The following DNAH17 variants were observed in gnomAD, a reference collection of about 807,000 sequenced individuals.
DNAH17 encodes axonemal beta dynein heavy chain 17.
Under a neutral mutation model 485.6 loss-of-function variants are expected in DNAH17, and 376 were observed. The observed-to-expected ratio is 0.77, with a 90% CI of 0.71 to 0.84. The LOEUF (loss-of-function observed/expected upper bound fraction) is 0.84, where lower values mean the gene tolerates loss of function less well. Ranked by LOEUF, DNAH17 falls within the 40% of genes least tolerant of loss-of-function variation. The pLI, the probability that DNAH17 is intolerant of heterozygous loss-of-function variation, is 0.00. For synonymous variants in DNAH17, 3,031 were observed against 2,405.9 expected, an observed-to-expected ratio of 1.26 and a Z score of -7.60; for missense variants, 6,370 against 5,839.3, an observed-to-expected ratio of 1.09 and a Z score of -2.96.
chr17:78,567,266 C>T, intron 9 of DNAH17, 100 bp from the exon 10 acceptor site: 1 of 1,299,590 alleles, frequency 7.7e-7, no homozygotes, highest in Non-Finnish European at 1.1e-6. Flanking sequence ...AGCTGGGGAG[C>T]AAAATGTCCC....
intron 14 of DNAH17, among the ~76,000 whole-genome samples, chr17:78,553,294 T>G (rs1318956934): frequency 9.3e-5 from 4 of 42,808 alleles, no homozygotes; most frequent in Non-Finnish European, 2.1e-4. Context: ...TTTTTTTTTT[T>G]TTTTTTTTTT....
At chr17:78,457,460 CATTGATA>C (rs2087860357) in intron 62 of DNAH17, among the ~76,000 whole-genome samples, 1 of 152,082 alleles carries the variant, frequency 6.6e-6, no homozygotes, top group Non-Finnish European at 1.5e-5. Flanking sequence ...GGAAATACCT[CATTGATA>C]ATTTTTATAT....
chr17:78,441,047 T>C lies in DNAH17; in HGVS notation c.11677+4A>G, dbSNP rs1467608737. 1.3e-6 allele frequency: 2 copies of C among 1,576,384 alleles called. No homozygotes were observed. Among genetic ancestry groups the C allele is most frequent in the Non-Finnish European group, 1.7e-6 (2 of 1,160,282 alleles). On this transcript the variant is annotated splice_donor_region_variant and intron_variant, in intron 72 of 80. Coordinates refer to ENST00000389840, the MANE Select transcript of DNAH17 (RefSeq NM_173628.4). ...TGAGAACATCACTTGCCTGCTACAC[T>C]TACCCAGGGCTTCCACGTCTTTCAA...
intron 14 of DNAH17, among the ~76,000 whole-genome samples, chr17:78,557,029 C>A (rs559912221): frequency 4.6e-5 from 7 of 152,178 alleles, no homozygotes; most frequent in Non-Finnish European, 1.0e-4. Context: ...GACCGCCCCC[C>A]ACCTCCAACA....
At chr17:78,572,271 G>A (rs1038413026) in intron 3 of DNAH17, among the ~76,000 whole-genome samples, 3 of 152,210 alleles carry the variant, frequency 2.0e-5, no homozygotes, top group African/African-American at 7.2e-5. Flanking sequence ...GGGCCTCTGG[G>A]GGCACCGCAG....
intron 60 of DNAH17, 32 bp downstream of exon 60, chr17:78,459,752 A>G (rs759890426): frequency 1.2e-6 from 2 of 1,611,146 alleles, no homozygotes; most frequent in Non-Finnish European, 1.7e-6. Flanking sequence ...ATCGGAGGGA[A>G]GCCCCGGCTA....
intron 68 of DNAH17, 58 bp downstream of exon 68, chr17:78,450,196 G>A (rs2087485466): frequency 1.9e-6 from 3 of 1,600,188 alleles, no homozygotes; most frequent in Non-Finnish European, 2.6e-6. Context: ...GCCTGGCTGT[G>A]GAGCCCAGAT....
In DNAH17 at chr17:78,572,905, A is replaced by T; in HGVS notation, c.346-11T>A. On this transcript the variant is annotated splice_polypyrimidine_tract_variant and intron_variant, in intron 2 of 80. Coordinates refer to ENST00000389840, the MANE Select transcript of DNAH17 (RefSeq NM_173628.4). ...CAGAGAAGAGAGGACCTAAAAGGAAACACTTCTGTGGTTCCGCCCCCTGTG... is the reference window on the plus strand; with the variant it reads ...CAGAGAAGAGAGGACCTAAAAGGAATCACTTCTGTGGTTCCGCCCCCTGTG... 2 of 1,611,368 alleles carry T rather than the reference A, an allele frequency of 1.2e-6. No individual in the cohort carries two copies. The highest frequency in any genetic ancestry group is 1.7e-6 in the Non-Finnish European group (2 of 1,178,550).
At chr17:78,429,041 C>A (rs915085963) in intron 76 of DNAH17, 80 bp downstream of exon 76, 3 of 1,475,552 alleles carry the variant, frequency 2.0e-6, no homozygotes, top group Non-Finnish European at 2.8e-6. Flanking sequence ...ATTATTGACA[C>A]TCCATTTGTG....
chr17:78,502,649 G>T lies in DNAH17; in HGVS notation c.5132C>A (p.Ala1711Glu). Residue 1711 changes from alanine to glutamate, a missense_variant, in exon 33 of 81, where the codon GCA becomes GAA. Transcript: ENST00000389840. ...ATAGCCTTCCTCCAGCCTGGCAAAT[G>T]CCAGGCCCACCTCGGTCGTCCACCA... ...QIWWTTEVGL[A>E]FARLEEGYEN... is the part of the protein sequence containing the mutation. 1 of 1,612,182 alleles carries T rather than the reference G, an allele frequency of 6.2e-7. No individual in the cohort carries two copies.
rs1331485565 is a variant in DNAH17, at chr17:78,464,541, G to A, written c.8941-1464C>T. On this transcript the variant is annotated intron_variant, in intron 56 of 80. Transcript: ENST00000389840. ...CCCCCAAAGTGCTGGGATTATAGGC[G>A]TGAGCCACTGCCCCCAGCCCTCGGC... Among the ~76,000 whole-genome samples, 4 of 152,212 alleles carry A rather than the reference G, an allele frequency of 2.6e-5. No homozygotes were observed. The East Asian group carries it at 5.8e-4, about 22-fold the overall frequency.
intron 64 of DNAH17, 109 bp from the exon 65 acceptor site, chr17:78,453,574 G>A (rs1390898249): frequency 7.0e-7 from 1 of 1,432,772 alleles, no homozygotes; most frequent in Non-Finnish European, 9.4e-7. Flanking sequence ...CGCCAAGCGA[G>A]GGGTGACCTA....
chr17:78,454,266 G>A (rs2087689020), intron 64 of DNAH17, among the ~76,000 whole-genome samples: 1 of 152,210 alleles, frequency 6.6e-6, no homozygotes. Context: ...CCCTGCAGGA[G>A]CAGCAGGTGA....
At chr17:78,495,848 CCACT>C (rs1304399530) in intron 38 of DNAH17, 23 bp downstream of exon 38, 1 of 1,602,370 alleles carries the variant, frequency 6.2e-7, no homozygotes, top group Non-Finnish European at 8.5e-7. Context: ...CTCACTGCAG[CCACT>C]CACTTTCACC....
Position 78,502,994 on chromosome 17 carries a change from A to C in DNAH17, c.4974T>G (p.Asn1658Lys). 3 of 1,613,672 alleles carry C rather than the reference A, an allele frequency of 1.9e-6. No homozygotes were observed. Among genetic ancestry groups the C allele is most frequent in the Non-Finnish European group, 2.5e-6 (3 of 1,179,806 alleles). The change falls in exon 32 of 81, where the codon AAT becomes AAG. Residue 1658 changes from asparagine (N) to lysine (K), a missense_variant. Physicochemically the swap from Asn to Lys is moderately conservative, Grantham distance 94. Transcript: ENST00000389840. ...TAGAGCACATTCGGTCCAGCACTCG[A>C]TTCAGCCACACTTCCACCTGGGGAC... ...DLSGQVEVWL[N>K]RVLDRMCSTL...
intron 31 of DNAH17, among the ~76,000 whole-genome samples, chr17:78,503,736 C>A (rs991830860): frequency 6.6e-6 from 1 of 151,860 alleles, no homozygotes; most frequent in African/African-American, 2.4e-5. Flanking sequence ...GAGGCTGAGG[C>A]GGGTGGATCA....
At chr17:78,526,463 T>C (rs2091075973) in intron 24 of DNAH17, among the ~76,000 whole-genome samples, 188 bp downstream of exon 24, 1 of 152,088 alleles carries the variant, frequency 6.6e-6, no homozygotes, top group Admixed American at 6.5e-5. Flanking sequence ...GGTTTGCATG[T>C]TCACGTACAC....
chr17:78,538,923 A>G (rs577512826), intron 18 of DNAH17, among the ~76,000 whole-genome samples: 1 of 152,294 alleles, frequency 6.6e-6, no homozygotes, highest in Admixed American at 6.5e-5. Flanking sequence ...AAAATCATTT[A>G]GAAACCATCT....
chr17:78,477,918 CCATCACCACCAT>C (rs1344636603), intron 51 of DNAH17, among the ~76,000 whole-genome samples: 8 of 143,274 alleles, frequency 5.6e-5, no homozygotes, highest in South Asian at 4.4e-4. Context: ...TACCACATCA[CCATCACCACCAT>C]CATCACCACC....
Sources: allele counts gnomAD v4.1 joint callset (sites outside exome capture counted in the v4.1 genomes callset), GRCh38; gene constraint gnomAD v4.1.1; transcripts MANE v1.5; gene names NCBI Gene and HGNC (gene_info 2026-07-23, HGNC 2026-07-21).